ACSL3: variants seen among roughly 807,000 people sequenced by gnomAD.
ACSL3 encodes fatty acid CoA ligase Acsl3.
In ACSL3, 34 loss-of-function variants were observed where a neutral mutation model predicts 84.7. The ratio of observed to expected loss-of-function variants is 0.40; its 90% CI spans 0.31 to 0.53. ACSL3 has a LOEUF of 0.53. Ranked by LOEUF, ACSL3 falls within the 20% of genes least tolerant of loss-of-function variation. The pLI is 0.48. For missense variants in ACSL3, 680 were observed against 873.1 expected, an observed-to-expected ratio of 0.78 and a Z score of 2.79; for synonymous variants, 315 against 299.4, an observed-to-expected ratio of 1.05 and a Z score of -0.54.
chr2:222,862,089 C>G (rs1439818564), intron 1 of ACSL3, among the ~76,000 whole-genome samples: 1 of 152,148 alleles, frequency 6.6e-6, no homozygotes, highest in Non-Finnish European at 1.5e-5. Flanking sequence ...TATATGGAAG[C>G]TAGAAAGGCA....
chr2:222,898,848 GA>G (rs1057259349), intron 2 of ACSL3, among the ~76,000 whole-genome samples: 5 of 151,898 alleles, frequency 3.3e-5, no homozygotes, highest in African/African-American at 1.2e-4. Flanking sequence ...ACAAACAAAC[GA>G]AAACAAAACA....
intron 3 of ACSL3, among the ~76,000 whole-genome samples, chr2:222,901,285 T>C (rs1696142064): frequency 6.6e-6 from 1 of 152,246 alleles, no homozygotes; most frequent in Non-Finnish European, 1.5e-5. Context: ...TTGTTAGTTA[T>C]TTCAGTACCA....
At position 222,941,796 on chromosome 2, in the gene ACSL3, C is replaced by CA. The variant is rs776270007; in HGVS notation, c.*143dup. 27 of 891,730 alleles carry CA rather than the reference C, an allele frequency of 3.0e-5. No individual in the cohort carries two copies. Among genetic ancestry groups the CA allele is most frequent in the Middle Eastern group, 3.7e-4 (1 of 2,732 alleles). 55.2% of individuals were successfully genotyped at this position (891,730 alleles called of 1,614,324 possible). A position where few individuals can be genotyped will look rare whatever the true frequency, so the allele number is the denominator to read the frequency against. On this transcript the variant is annotated 3_prime_UTR_variant, in exon 17 of 17. Transcript: ENST00000357430. Reference sequence around the variant, plus strand: ...TCATGACGTCACCATTTTTAACTGACAGGATTAGTAAAACATTAAGACAGC... The same window carrying CA: ...TCATGACGTCACCATTTTTAACTGACAAGGATTAGTAAAACATTAAGACAGC...
At chr2:222,899,642 G>A (rs1486868005) in intron 2 of ACSL3, among the ~76,000 whole-genome samples, 2 of 152,114 alleles carry the variant, frequency 1.3e-5, no homozygotes. Context: ...AGTGGCGCAA[G>A]AATAGCTACT....
intron 1 of ACSL3, among the ~76,000 whole-genome samples, chr2:222,863,829 C>A (rs1358392891): frequency 6.6e-6 from 1 of 152,098 alleles, no homozygotes; most frequent in Non-Finnish European, 1.5e-5. Context: ...TCAAATAATA[C>A]ATTGCAATAT....
At chr2:222,930,900 A>G in intron 14 of ACSL3, 88 bp downstream of exon 14, 2 of 1,168,498 alleles carry the variant, frequency 1.7e-6, no homozygotes, top group Non-Finnish European at 2.4e-6. Context: ...GCGCTGAATA[A>G]TATAAATCTT....
intron 3 of ACSL3, among the ~76,000 whole-genome samples, chr2:222,903,339 G>A (rs1302547495): frequency 3.3e-5 from 5 of 152,108 alleles, no homozygotes; most frequent in East Asian, 1.9e-4. Flanking sequence ...ACAGGGCTTC[G>A]TCATGTTTCC....
At chr2:222,904,475 C>G (rs942176415) in intron 3 of ACSL3, among the ~76,000 whole-genome samples, 1 of 152,076 alleles carries the variant, frequency 6.6e-6, no homozygotes, top group Non-Finnish European at 1.5e-5. Flanking sequence ...TTTTGTGAGT[C>G]CATTCATGCT....
rs1695751878 is a variant in ACSL3 at position 222,887,520 on chromosome 2, C to A, written c.-206-310C>A. Reference sequence around the variant, plus strand: ...CTGTCAAACTTCCGTAGTGGCTGTACCATTTTGCATTCCCACCAGCAATGA... The same window carrying A: ...CTGTCAAACTTCCGTAGTGGCTGTAACATTTTGCATTCCCACCAGCAATGA... On this transcript the variant is annotated intron_variant, in intron 1 of 16. Coordinates refer to ENST00000357430, the MANE Select transcript of ACSL3 (RefSeq NM_004457.5). Among the ~76,000 whole-genome samples the A allele has an allele frequency of 1.3e-5, 2 of 152,094 alleles. 1 individual carries two copies. The highest frequency in any genetic ancestry group is 4.8e-5 in the African/African-American group (2 of 41,416).
At chr2:222,936,604 A>ACC (rs1697175302) in intron 16 of ACSL3, among the ~76,000 whole-genome samples, 1 of 51,042 alleles carries the variant, frequency 2.0e-5, no homozygotes, top group African/African-American at 8.0e-5. Context: ...AGAATTCTGC[A>ACC]CCCTCCCCCC....
chr2:222,881,328 G>A (rs550772413), intron 1 of ACSL3, among the ~76,000 whole-genome samples: 3 of 152,370 alleles, frequency 2.0e-5, no homozygotes, highest in South Asian at 2.1e-4. Context: ...GCATTGGACA[G>A]CATAGAGTTA....
intron 16 of ACSL3, among the ~76,000 whole-genome samples, chr2:222,937,535 CTT>C (rs1189092567): frequency 2.6e-5 from 4 of 152,110 alleles, no homozygotes; most frequent in East Asian, 3.8e-4. Context: ...AGAATTGACT[CTT>C]TTATCATTAT....
intron 1 of ACSL3, among the ~76,000 whole-genome samples, chr2:222,869,288 G>A (rs1695236432): frequency 6.6e-6 from 1 of 152,122 alleles, no homozygotes. Flanking sequence ...GTAACATAAA[G>A]ATTTCAATTC....
intron 1 of ACSL3, among the ~76,000 whole-genome samples, chr2:222,871,957 C>A (rs1235162076): frequency 1.3e-5 from 2 of 151,896 alleles, no homozygotes; most frequent in African/African-American, 4.8e-5. Context: ...GGCATTCCCC[C>A]CCACCCCCGA....
At chr2:222,898,683 C>T (rs888947328) in intron 2 of ACSL3, among the ~76,000 whole-genome samples, 32 of 152,224 alleles carry the variant, frequency 2.1e-4, no homozygotes, top group Middle Eastern at 6.8e-3. Flanking sequence ...CAAAATTAGC[C>T]GGGCGCAGTG....
chr2:222,936,997 C>T lies in ACSL3; in HGVS notation c.2005+2310C>T, dbSNP rs73065555. Among the ~76,000 whole-genome samples, 1,498 of 152,312 alleles carry T rather than the reference C, an allele frequency of 9.8e-3. 30 individuals carry two copies. The highest frequency in any genetic ancestry group is 0.034 in the African/African-American group (1,409 of 41,574). On this transcript the variant is annotated intron_variant, in intron 16 of 16. Coordinates refer to ENST00000357430, the MANE Select transcript of ACSL3 (RefSeq NM_004457.5). ...ACCTCCCACCAGGTTCCCCCCTTGA[C>T]ATGTCGGGATTATGGGGAATATAAT...
chr2:222,927,179 A>G lies in ACSL3; in HGVS notation c.1455A>G (p.Thr485=). ...TCACTGAATCTGCTGGGGCTGGAAC[A>G]ATTTCCGAAGGTAGTGTTCTCCATG... The part of the protein sequence containing the change: ...YGLTESAGAG[T]ISEVWDYNTG... The change falls in exon 12 of 17, where the codon ACA becomes ACG. Residue 485 remains threonine, a synonymous_variant. Coordinates refer to ENST00000357430, the MANE Select transcript of ACSL3 (RefSeq NM_004457.5). The G allele has an allele frequency of 6.2e-7, 1 of 1,613,244 alleles. No homozygotes were observed.
chr2:222,913,669 C>G (rs140746819), intron 4 of ACSL3, among the ~76,000 whole-genome samples: 1 of 152,148 alleles, frequency 6.6e-6, no homozygotes, highest in Non-Finnish European at 1.5e-5. Context: ...GGCCACCTTA[C>G]TCACCTGCTT....
At chr2:222,925,627 G>A (rs1277446283) in intron 11 of ACSL3, among the ~76,000 whole-genome samples, 1 of 152,156 alleles carries the variant, frequency 6.6e-6, no homozygotes, top group East Asian at 1.9e-4. Context: ...AAAAACCTTT[G>A]TAATAGTATG....
Sources: gnomAD v4.1 joint callset for allele counts (sites outside exome capture counted in the v4.1 genomes callset) on GRCh38, gnomAD v4.1.1 for gene constraint, MANE v1.5 for transcripts, NCBI Gene and HGNC (gene_info 2026-07-23, HGNC 2026-07-21) for gene names.